The following DNAH7 variants were observed in gnomAD, a reference collection of about 807,000 sequenced individuals.
DNAH7 encodes axonemal beta dynein heavy chain 7.
Under a neutral mutation model 444.6 loss-of-function variants are expected in DNAH7, and 397 were observed. The ratio of observed to expected loss-of-function variants is 0.89; its 90% CI spans 0.82 to 0.97. The LOEUF is 0.97. DNAH7 is among the 50% of genes least tolerant of loss of function. The pLI is 0.00. For synonymous variants in DNAH7, 1,636 were observed against 1,624.4 expected, an observed-to-expected ratio of 1.01 and a Z score of -0.17; for missense variants, 4,902 against 4,800.8, an observed-to-expected ratio of 1.02 and a Z score of -0.62.
In DNAH7 at chr2:195,778,639, AATAAATATATAT is replaced by A. The variant is rs1559089671; in HGVS notation, c.10879-666_10879-655del. On this transcript the variant is annotated intron_variant, in intron 58 of 64. Coordinates refer to ENST00000312428, the MANE Select transcript of DNAH7 (RefSeq NM_018897.3). Reference sequence around the variant, plus strand: ...GTCTGAAAAAAAAAAAAAATAAATAAATAAATATATATATATATATATATATATATACACACA... The same window carrying A: ...GTCTGAAAAAAAAAAAAAATAAATAAATATATATATATATATATACACACA... 3.1e-3 allele frequency among the ~76,000 whole-genome samples: 162 copies of A among 51,694 alleles called. 29 individuals carry two copies. In the East Asian group the frequency reaches 0.087, roughly 28 times the overall value. The allele number at this position is 51,694 out of a possible 152,430, so 33.9% of individuals were successfully genotyped here. A position where few individuals can be genotyped will look rare whatever the true frequency, so the allele number is the denominator to read the frequency against.
chr2:196,045,580 T>C (rs573292888), intron 5 of DNAH7, among the ~76,000 whole-genome samples: 1 of 152,094 alleles, frequency 6.6e-6, no homozygotes, highest in East Asian at 1.9e-4. Flanking sequence ...TTGGTGGAAC[T>C]GAAATATTAA....
rs1255917448 is a variant in DNAH7, at chr2:196,028,117, G to A, written c.399-70C>T. 4 of 1,166,194 alleles carry A rather than the reference G, an allele frequency of 3.4e-6. No individual in the cohort carries two copies. In the African/African-American group the frequency reaches 4.7e-5, roughly 14 times the overall value. 72.2% of individuals were successfully genotyped at this position (1,166,194 alleles called of 1,614,324 possible). ...GTTAGAACATAAAACAATGGATATAGGAACACCAGGACTATTTTCTATTAA... is the reference window on the plus strand; with the variant it reads ...GTTAGAACATAAAACAATGGATATAAGAACACCAGGACTATTTTCTATTAA... On this transcript the variant is annotated intron_variant, in intron 5 of 64. Transcript: ENST00000312428.
At chr2:195,973,935 G>A (rs1692017634) in intron 15 of DNAH7, among the ~76,000 whole-genome samples, 1 of 152,080 alleles carries the variant, frequency 6.6e-6, no homozygotes, top group South Asian at 2.1e-4. Flanking sequence ...ATAATTGGAC[G>A]GGTGTGGTGG....
rs754016528 is a variant in DNAH7, at chr2:195,875,773, A to C, written c.6188T>G (p.Leu2063Arg). The change falls in exon 38 of 65, where the codon CTT becomes CGT. Residue 2063 changes from leucine to arginine, a missense_variant. Leu to Arg is a moderately radical substitution (Grantham distance 102). Coordinates refer to ENST00000312428, the MANE Select transcript of DNAH7 (RefSeq NM_018897.3). ...VYGAQPPIEL[L>R]RQWLDHWNWY... ...GTTCCAGTGGTCTAACCACTGTCTA[A>C]GTAACTCAATGGGAGGTTGAGCCCC... The C allele has an allele frequency of 3.7e-5, 60 of 1,613,788 alleles. No individual in the cohort carries two copies. In the South Asian group the frequency reaches 6.4e-4, roughly 17 times the overall value.
chr2:196,033,315 T>A (rs576213634), intron 5 of DNAH7, among the ~76,000 whole-genome samples: 1 of 152,354 alleles, frequency 6.6e-6, no homozygotes, highest in African/African-American at 2.4e-5. Context: ...GGAGAATTTA[T>A]GAAATTTACT....
Position 195,864,477 on chromosome 2 carries a change from T to C in DNAH7, c.7178A>G (p.Gln2393Arg). ...AGTATCTGTAAACAGGAAGACACCC[T>C]GCATCTCACCTTCCGCACATTTCCT... is the stretch of plus-strand genomic sequence containing the variant. Reference protein sequence around the residue: ...ILRKCAEGEMQGVFLFTDTQI... With the variant: ...ILRKCAEGEMRGVFLFTDTQI... The change falls in exon 41 of 65, where the codon CAG (glutamine) becomes CGG (arginine). Residue 2393 changes from glutamine (Q) to arginine (R), a missense_variant. Transcript: ENST00000312428. 1 of 1,614,232 alleles carries C rather than the reference T, an allele frequency of 6.2e-7. No homozygotes were observed. The highest frequency in any genetic ancestry group is 8.5e-7 in the Non-Finnish European group (1 of 1,180,036).
intron 50 of DNAH7, 25 bp downstream of exon 50, chr2:195,817,671 T>C: frequency 1.3e-6 from 2 of 1,578,340 alleles, no homozygotes; most frequent in Non-Finnish European, 1.7e-6. Context: ...CAAATAAGAA[T>C]AGTTCTGTTT....
rs188254798 is a variant in DNAH7, at chr2:195,976,500, C to T, written c.1834-4034G>A. Among the ~76,000 whole-genome samples the T allele has an allele frequency of 3.9e-5, 6 of 152,276 alleles. No homozygotes were observed. In the East Asian group the frequency reaches 9.7e-4, roughly 25 times the overall value. ...GGACACTCGGAGCTGGGGGAACTCA[C>T]TGACCTGAAGGGAGGAACACATGCC... On this transcript the variant is annotated intron_variant, in intron 15 of 64. Coordinates refer to ENST00000312428, the MANE Select transcript of DNAH7 (RefSeq NM_018897.3).
intron 24 of DNAH7, among the ~76,000 whole-genome samples, chr2:195,917,856 T>C (rs1687783523): frequency 6.6e-6 from 1 of 152,146 alleles, no homozygotes; most frequent in African/African-American, 2.4e-5. Flanking sequence ...TTTGTAGAGA[T>C]GGGAGTTTTG....
chr2:195,874,751 G>A (rs1700943541), intron 38 of DNAH7, among the ~76,000 whole-genome samples: 2 of 152,246 alleles, frequency 1.3e-5, no homozygotes, highest in South Asian at 4.2e-4. Flanking sequence ...GAGCCCAGGA[G>A]TTTAAGGCTG....
chr2:196,056,890 T>C (rs1318578931), intron 2 of DNAH7, among the ~76,000 whole-genome samples: 2 of 152,252 alleles, frequency 1.3e-5, no homozygotes, highest in Non-Finnish European at 2.9e-5. Flanking sequence ...TCTTTCATTG[T>C]TCAACTCTAA....
intron 12 of DNAH7, among the ~76,000 whole-genome samples, chr2:195,991,321 T>A (rs1693324928): frequency 6.6e-6 from 1 of 152,166 alleles, no homozygotes; most frequent in African/African-American, 2.4e-5. Context: ...CTGCAAGGAA[T>A]CTTCCTTCAA....
chr2:195,778,817 A>G (rs1559090093), intron 58 of DNAH7, among the ~76,000 whole-genome samples: 1 of 146,782 alleles, frequency 6.8e-6, no homozygotes, highest in African/African-American at 2.5e-5. Context: ...AATTTGAATC[A>G]TATATATACA....
intron 51 of DNAH7, among the ~76,000 whole-genome samples, chr2:195,811,787 C>A (rs538022206): frequency 2.6e-5 from 4 of 151,920 alleles, no homozygotes; most frequent in Non-Finnish European, 5.9e-5. Flanking sequence ...AAAAAAAAAA[C>A]TGTGTGCGTA....
chr2:195,810,858 G>C (rs913579627), intron 51 of DNAH7, among the ~76,000 whole-genome samples: 3 of 152,156 alleles, frequency 2.0e-5, no homozygotes, highest in Non-Finnish European at 4.4e-5. Context: ...TATGCTAATA[G>C]GTTGTCTTTT....
intron 1 of DNAH7, 41 bp downstream of exon 1, chr2:196,068,656 G>A: frequency 6.5e-7 from 1 of 1,550,018 alleles, no homozygotes; most frequent in Non-Finnish European, 8.7e-7. Flanking sequence ...CCTGGGAAGC[G>A]TCGCGGCGGC....
In DNAH7 at chr2:195,740,623, A is replaced by G. The variant is rs200351616; in HGVS notation, c.11868+143T>C. ...TGTGTGTGTGTGTGTGTGTATATAT[A>G]TATATATATATATATATATATACAT... On this transcript the variant is annotated intron_variant, in intron 64 of 64. Coordinates refer to ENST00000312428, the MANE Select transcript of DNAH7 (RefSeq NM_018897.3). The G allele has an allele frequency of 2.5e-3, 155 of 61,890 alleles. 2 individuals are homozygous for G. Among genetic ancestry groups the G allele is most frequent in the African/African-American group, 0.01 (89 of 8,836 alleles). The allele number at this position is 61,890 out of a possible 1,614,324, so 3.8% of individuals were successfully genotyped here.
chr2:195,851,789 C>T (rs927626314), intron 46 of DNAH7, among the ~76,000 whole-genome samples: 1 of 152,146 alleles, frequency 6.6e-6, no homozygotes, highest in Non-Finnish European at 1.5e-5. Context: ...AGTGCAGACA[C>T]CTAGTGATGT....
intron 47 of DNAH7, among the ~76,000 whole-genome samples, chr2:195,836,315 G>A (rs1448946284): frequency 2.0e-5 from 3 of 152,042 alleles, no homozygotes; most frequent in African/African-American, 4.8e-5. Flanking sequence ...CCAGGAGTTC[G>A]AGACCAGCAT....
Sources: allele counts gnomAD v4.1 joint callset (sites outside exome capture counted in the v4.1 genomes callset), GRCh38; gene constraint gnomAD v4.1.1; transcripts MANE v1.5; gene names NCBI Gene and HGNC (gene_info 2026-07-23, HGNC 2026-07-21).